The following RTN3 variants were observed in gnomAD, a reference collection of about 807,000 sequenced individuals.
RTN3 encodes the protein reticulon-3.
In RTN3, 49 loss-of-function variants were observed where a neutral mutation model predicts 77.8. That is an observed-to-expected ratio of 0.63 (90% confidence interval 0.50 to 0.80). The LOEUF is 0.80. Ranked by LOEUF, RTN3 falls within the 30% of genes least tolerant of loss-of-function variation. The probability of loss-of-function intolerance (pLI) is 0.00; values close to 1 mark genes in which losing one functional copy is unlikely to be tolerated. For missense variants in RTN3, 1,236 were observed against 1,211.9 expected, an observed-to-expected ratio of 1.02 and a Z score of -0.29; for synonymous variants, 464 against 446.9, an observed-to-expected ratio of 1.04 and a Z score of -0.48.
chr11:63,702,298 TTTTTTTTGTTTTTTTG>T (rs911527531), intron 1 of RTN3, among the ~76,000 whole-genome samples: 46 of 151,430 alleles, frequency 3.0e-4, no homozygotes, highest in African/African-American at 1.1e-3. Flanking sequence ...TTGGTTTTGG[TTTTTTTTGTTTTTTTG>T]TTTTTTTGTT....
At chr11:63,735,356 A>C (rs975456204) in intron 3 of RTN3, among the ~76,000 whole-genome samples, 2 of 152,194 alleles carry the variant, frequency 1.3e-5, no homozygotes, top group Non-Finnish European at 2.9e-5. Flanking sequence ...AAATACTTGG[A>C]ATAAATTTAG....
intron 2 of RTN3, among the ~76,000 whole-genome samples, chr11:63,706,563 T>C (rs573874605): frequency 6.6e-6 from 1 of 152,280 alleles, no homozygotes; most frequent in African/African-American, 2.4e-5. Context: ...ATAATGTGTC[T>C]CATTGTGTGA....
chr11:63,701,856 G>C (rs1942253148), intron 1 of RTN3, among the ~76,000 whole-genome samples: 1 of 152,182 alleles, frequency 6.6e-6, no homozygotes. Flanking sequence ...GAGGCAGGAA[G>C]ATCACTTGAG....
In RTN3 at chr11:63,758,376, A is replaced by G. The variant is rs754024429; in HGVS notation, c.*175A>G. 1.7e-5 allele frequency: 27 copies of G among 1,572,302 alleles called. No homozygotes were observed. In the South Asian group the frequency reaches 3.2e-4, roughly 18 times the overall value. ...CCTTTAACCCTCAGTATCAAGCACA[A>G]AAATTGATGGACTGATAAAAGAACT... On this transcript the variant is annotated 3_prime_UTR_variant, in exon 9 of 9. Transcript: ENST00000377819.
intron 8 of RTN3, among the ~76,000 whole-genome samples, chr11:63,757,027 A>C (rs558919218): frequency 1.1e-4 from 17 of 152,198 alleles, no homozygotes; most frequent in Non-Finnish European, 2.1e-4. Context: ...CCTGGGTGAC[A>C]GTGAGACTCC....
At chr11:63,696,466 G>A (rs1941944476) in intron 1 of RTN3, among the ~76,000 whole-genome samples, 1 of 151,884 alleles carries the variant, frequency 6.6e-6, no homozygotes, top group South Asian at 2.1e-4. Context: ...CCAGCACTTC[G>A]GGAGGCTAAG....
At chr11:63,755,938 G>A (rs2014359595) in intron 7 of RTN3, among the ~76,000 whole-genome samples, 174 bp from the exon 8 acceptor site, 1 of 151,428 alleles carries the variant, frequency 6.6e-6, no homozygotes, top group Admixed American at 6.6e-5. Context: ...CACCCTGGGC[G>A]AGAGCGAGGC....
intron 3 of RTN3, among the ~76,000 whole-genome samples, chr11:63,735,557 T>TCTCTCTCTCTCTCC (rs1178819741): frequency 1.0e-4 from 13 of 127,374 alleles, no homozygotes; most frequent in Non-Finnish European, 2.1e-4. Flanking sequence ...CATTTCTCTC[T>TCTCTCTCTCTCTCC]CTCTCTCTCT....
intron 2 of RTN3, among the ~76,000 whole-genome samples, chr11:63,705,473 C>T (rs1226039904): frequency 1.3e-5 from 2 of 152,186 alleles, no homozygotes; most frequent in Non-Finnish European, 2.9e-5. Context: ...GAGCAAGACC[C>T]TGTGTCACCA....
At position 63,736,530 on chromosome 11, in the gene RTN3, T is replaced by TA. The variant is rs201458173; in HGVS notation, c.2531-13460dup. ...GGTGAAACCCCATCTCTACTAAAAA[T>TA]ACAAAAAATTAGCTGGATGTGGTGG... On this transcript the variant is annotated intron_variant, in intron 3 of 8. Coordinates refer to ENST00000377819, the MANE Select transcript of RTN3 (RefSeq NM_001265589.2). Among the ~76,000 whole-genome samples the TA allele has an allele frequency of 6.4e-3, 975 of 151,900 alleles. 11 individuals carry two copies. The highest frequency in any genetic ancestry group is 0.023 in the African/African-American group (950 of 41,388).
intron 2 of RTN3, among the ~76,000 whole-genome samples, chr11:63,708,179 T>G (rs138268833): frequency 6.6e-5 from 10 of 152,328 alleles, no homozygotes; most frequent in Admixed American, 1.3e-4. Context: ...CACAGGCCTT[T>G]GAAAGTGACT....
intron 1 of RTN3, 22 bp downstream of exon 1, chr11:63,681,800 C>T: frequency 3.9e-6 from 6 of 1,535,656 alleles, no homozygotes; most frequent in Non-Finnish European, 3.5e-6. Flanking sequence ...GGGGAGCCCC[C>T]GCCCTGGGAA....
At chr11:63,700,315 G>T (rs536098185) in intron 1 of RTN3, among the ~76,000 whole-genome samples, 3 of 121,876 alleles carry the variant, frequency 2.5e-5, no homozygotes, top group South Asian at 2.5e-4. Flanking sequence ...TCACTCTGTT[G>T]CCCAGGCTGG....
rs368204966 is a variant in RTN3 at position 63,720,985 on chromosome 11, A to C, written c.2483A>C (p.Glu828Ala). ...GCTGTTTCCAGCCTTAGCAAGACTG[A>C]ATTGGTAAAAAAGCATGTCCTAGCA... ...VDAVSSLSKT[E>A]LVKKHVLARL... The change falls in exon 3 of 9, where the codon GAA (glutamate) becomes GCA (alanine). Residue 828 changes from glutamate to alanine, a missense_variant. By Grantham distance (107) the Glu-to-Ala change is moderately radical. Coordinates refer to ENST00000377819, the MANE Select transcript of RTN3 (RefSeq NM_001265589.2). The C allele has an allele frequency of 2.4e-5, 39 of 1,610,740 alleles. No homozygotes were observed. The highest frequency in any genetic ancestry group is 3.4e-5 in the Admixed American group (2 of 59,650).
intron 3 of RTN3, among the ~76,000 whole-genome samples, chr11:63,749,332 A>G (rs2135044043): frequency 6.6e-6 from 1 of 152,282 alleles, no homozygotes; most frequent in Non-Finnish European, 1.5e-5. Flanking sequence ...TCCCCTATAC[A>G]TAATCCTTCC....
At chr11:63,689,599 AT>A (rs879601430) in intron 1 of RTN3, among the ~76,000 whole-genome samples, 97 of 145,960 alleles carry the variant, frequency 6.6e-4, no homozygotes, top group Admixed American at 8.9e-4. Flanking sequence ...TGCTCTTGTG[AT>A]TTTTTTTTTT....
chr11:63,722,829 A>G (rs926029165), intron 3 of RTN3, among the ~76,000 whole-genome samples: 3 of 152,182 alleles, frequency 2.0e-5, no homozygotes, highest in African/African-American at 7.2e-5. Context: ...ATGGTCTTCA[A>G]TTATCATTTA....
At chr11:63,711,279 GTC>G (rs2011153744) in intron 2 of RTN3, among the ~76,000 whole-genome samples, 1 of 151,030 alleles carries the variant, frequency 6.6e-6, no homozygotes, top group African/African-American at 2.4e-5. Context: ...GACTGAGACT[GTC>G]TCAAAAAAAA....
Position 63,681,778 on chromosome 11 carries a change from G to T in RTN3, c.142G>T (p.Asp48Tyr). 1 of 1,574,096 alleles carries T rather than the reference G, an allele frequency of 6.4e-7. No homozygotes were observed. The highest frequency in any genetic ancestry group is 1.1e-5 in the South Asian group (1 of 88,494). ...GTKSCSSSCA[D>Y]SFVSSSSSQP... ...GAAGAGCTGCAGCTCCTCCTGTGCG[G>T]GTAAGGCGCGCGGGGAGCCCCCGCC... Residue 48 changes from aspartate (D) to tyrosine (Y), a missense_variant and splice_region_variant, in exon 1 of 9, where the codon GAT (aspartate) becomes TAT (tyrosine). By Grantham distance (160) the Asp-to-Tyr change is radical. Around this residue, in one of 3 missense-constraint regions of RTN3, gnomAD observed 1,056 missense variants for 990.4 expected, o/e 1.07. Coordinates refer to ENST00000377819, the MANE Select transcript of RTN3 (RefSeq NM_001265589.2).
Sources: allele counts gnomAD v4.1 joint callset (sites outside exome capture counted in the v4.1 genomes callset), GRCh38; gene constraint gnomAD v4.1.1; regional missense constraint gnomAD v4.1.1; transcripts MANE v1.5; gene names NCBI Gene and HGNC (gene_info 2026-07-23, HGNC 2026-07-21).